VPS8: variants seen among roughly 807,000 people sequenced by gnomAD.
VPS8 encodes vacuolar protein sorting-associated protein 8 homolog.
In VPS8, 129 loss-of-function variants were observed where a neutral mutation model predicts 216.4. The observed-to-expected ratio is 0.60, with a 90% confidence interval of 0.52 to 0.69. VPS8 has a LOEUF of 0.69. VPS8 is among the 30% of genes least tolerant of loss of function. The probability of loss-of-function intolerance (pLI) is 0.00; values close to 1 mark genes in which losing one functional copy is unlikely to be tolerated. For synonymous variants in VPS8, 571 were observed against 565.4 expected, an observed-to-expected ratio of 1.01 and a Z score of -0.14; for missense variants, 1,531 against 1,683.5, an observed-to-expected ratio of 0.91 and a Z score of 1.59.
At chr3:184,969,491 G>A (rs1199974950) in intron 39 of VPS8, among the ~76,000 whole-genome samples, 1 of 136,338 alleles carries the variant, frequency 7.3e-6, no homozygotes, top group African/African-American at 2.8e-5. Context: ...ATGCAGTGGC[G>A]TGATCTCAGC....
At chr3:184,877,415 T>C (rs1014747791) in intron 21 of VPS8, among the ~76,000 whole-genome samples, 6 of 152,200 alleles carry the variant, frequency 3.9e-5, no homozygotes, top group African/African-American at 1.4e-4. Context: ...ACTTATGTTG[T>C]AGAGCTTGCT....
chr3:185,030,876 C>A (rs1418001149), intron 46 of VPS8, among the ~76,000 whole-genome samples: 1 of 152,076 alleles, frequency 6.6e-6, no homozygotes, highest in Non-Finnish European at 1.5e-5. Context: ...GATTCTCCCA[C>A]CTCAGCCTCC....
chr3:184,832,880 A>G, intron 4 of VPS8, 61 bp downstream of exon 4: 1 of 1,545,900 alleles, frequency 6.5e-7, no homozygotes, highest in Non-Finnish European at 8.8e-7. Flanking sequence ...TTCAAATGTA[A>G]ATATTGTACT....
chr3:185,029,592 T>G (rs1390143092), intron 46 of VPS8, among the ~76,000 whole-genome samples: 1 of 149,086 alleles, frequency 6.7e-6, no homozygotes, highest in Non-Finnish European at 1.5e-5. Flanking sequence ...TGAGACGGAG[T>G]CTCACTCTGT....
chr3:184,938,357 C>A (rs1742009845), intron 35 of VPS8, among the ~76,000 whole-genome samples: 1 of 152,206 alleles, frequency 6.6e-6, no homozygotes, highest in African/African-American at 2.4e-5. Context: ...TAAGTGTGAT[C>A]CTGCTCTCTA....
At chr3:184,976,734 C>T (rs747033014) in intron 40 of VPS8, among the ~76,000 whole-genome samples, 60 of 152,070 alleles carry the variant, frequency 3.9e-4, no homozygotes, top group Non-Finnish European at 7.6e-4. Flanking sequence ...TCAGTTTCTG[C>T]GTTAGTTTGC....
intron 14 of VPS8, among the ~76,000 whole-genome samples, chr3:184,858,642 ACT>A (rs1725728617): frequency 6.6e-6 from 1 of 152,014 alleles, no homozygotes; most frequent in South Asian, 2.1e-4. Flanking sequence ...GTGGTGGAGG[ACT>A]CTCTGGTGAA....
chr3:184,976,044 C>T (rs78438282), intron 40 of VPS8, among the ~76,000 whole-genome samples: 219 of 152,192 alleles, frequency 1.4e-3, no homozygotes, highest in African/African-American at 4.0e-3. Flanking sequence ...CCCATCATTA[C>T]GTCCATGTAT....
chr3:184,868,246 C>G (rs1051471495), intron 18 of VPS8, 187 bp downstream of exon 18: 6 of 574,134 alleles, frequency 1.0e-5, no homozygotes, highest in Admixed American at 9.8e-5. Flanking sequence ...TTAGGTTTGT[C>G]TACATATATT....
intron 21 of VPS8, among the ~76,000 whole-genome samples, chr3:184,883,025 C>T (rs568650890): frequency 1.3e-5 from 2 of 152,114 alleles, no homozygotes; most frequent in Non-Finnish European, 1.5e-5. Flanking sequence ...AATTGCTAAA[C>T]GCAATAAATA....
At chr3:184,984,194 A>AAAAAAAAAAACAAAAAAACTCACCAAG in intron 42 of VPS8, among the ~76,000 whole-genome samples, 2,727 of 46,528 alleles carry the variant, frequency 0.059, 778 homozygotes, top group South Asian at 0.21. Flanking sequence ...AAAAAAAAAA[A>AAAAAAAAAAACAAAAAAACTCACCAAG]CTCTACTTCC....
At chr3:184,854,455 C>T (rs1306325198) in intron 13 of VPS8, among the ~76,000 whole-genome samples, 1 of 152,174 alleles carries the variant, frequency 6.6e-6, no homozygotes. Context: ...TGTTCTTAAC[C>T]TTAACTTGAC....
intron 1 of VPS8, among the ~76,000 whole-genome samples, chr3:184,814,320 T>A (rs1457948966): frequency 1.3e-5 from 2 of 152,202 alleles, no homozygotes; most frequent in Non-Finnish European, 2.9e-5. Flanking sequence ...CAGTTCCCTA[T>A]CTCCTCTGCA....
At chr3:184,943,270 A>T (rs896865879) in intron 36 of VPS8, among the ~76,000 whole-genome samples, 7 of 152,254 alleles carry the variant, frequency 4.6e-5, no homozygotes, top group African/African-American at 1.7e-4. Flanking sequence ...ACAATGAAGC[A>T]TATAAAAGAT....
At chr3:185,028,868 A>G (rs568716635) in intron 46 of VPS8, among the ~76,000 whole-genome samples, 1 of 152,342 alleles carries the variant, frequency 6.6e-6, no homozygotes, top group Non-Finnish European at 1.5e-5. Context: ...GTAAGTGTAG[A>G]ACAAAGTAGT....
chr3:184,861,758 A>G (rs1475777403), intron 15 of VPS8, among the ~76,000 whole-genome samples: 1 of 152,220 alleles, frequency 6.6e-6, no homozygotes, highest in Admixed American at 6.5e-5. Flanking sequence ...AATAATTACT[A>G]AACTTATTGA....
intron 36 of VPS8, among the ~76,000 whole-genome samples, chr3:184,953,401 G>A (rs978353125): frequency 6.6e-6 from 1 of 152,200 alleles, no homozygotes. Context: ...TGGATTCAGA[G>A]ATTCTTTGAT....
At chr3:184,898,427 A>G in intron 23 of VPS8, 138 bp from the exon 24 acceptor site, 1 of 697,110 alleles carries the variant, frequency 1.4e-6, no homozygotes, top group Non-Finnish European at 2.5e-6. Flanking sequence ...GTGTTTGAGT[A>G]CTTGAATTTC....
chr3:185,025,017 A>AAAAAGG (rs1757158871), intron 46 of VPS8, among the ~76,000 whole-genome samples: 1 of 152,170 alleles, frequency 6.6e-6, no homozygotes, highest in Non-Finnish European at 1.5e-5. Flanking sequence ...AAAGAAAAAG[A>AAAAAGG]AAAAGAAAAA....
Sources: allele counts gnomAD v4.1 joint callset (sites outside exome capture counted in the v4.1 genomes callset), GRCh38; gene constraint gnomAD v4.1.1; transcripts MANE v1.5; gene names NCBI Gene and HGNC (gene_info 2026-07-23, HGNC 2026-07-21).